SETBP1: variants seen among roughly 807,000 people sequenced by gnomAD.
SETBP1 encodes SET-binding protein.
In SETBP1, 9 loss-of-function variants were observed where a neutral mutation model predicts 101.0. The observed-to-expected ratio is 0.09, with a 90% CI of 0.05 to 0.16. The LOEUF (loss-of-function observed/expected upper bound fraction) is 0.16. SETBP1 is among the 10% of genes least tolerant of loss of function. The pLI is 1.00. For synonymous variants in SETBP1, 818 were observed against 788.5 expected (o/e 1.04, Z -0.63); for missense variants, 1,858 against 2,033.8 (o/e 0.91, Z 1.66).
At chr18:44,868,499 A>T (rs907612283) in intron 2 of SETBP1, among the ~76,000 whole-genome samples, 1 of 152,112 alleles carries the variant, frequency 6.6e-6, no homozygotes, top group Non-Finnish European at 1.5e-5. Flanking sequence ...GTTCGAGACC[A>T]GTCTGACCAA....
At chr18:44,841,779 T>C (rs914571089) in intron 2 of SETBP1, among the ~76,000 whole-genome samples, 6 of 152,214 alleles carry the variant, frequency 3.9e-5, no homozygotes, top group Admixed American at 3.3e-4. Flanking sequence ...CTTTTGTGAT[T>C]CTCTCTGACT....
At chr18:44,814,523 T>C (rs1025275674) in intron 2 of SETBP1, among the ~76,000 whole-genome samples, 1 of 152,176 alleles carries the variant, frequency 6.6e-6, no homozygotes, top group East Asian at 1.9e-4. Context: ...TGACGGCAAA[T>C]TTTAGGTGGC....
chr18:44,943,557 C>T (rs868558737), intron 3 of SETBP1, among the ~76,000 whole-genome samples: 10 of 152,356 alleles, frequency 6.6e-5, no homozygotes, highest in Non-Finnish European at 1.3e-4. Flanking sequence ...TCAGGTTCCA[C>T]GTCCAGAATG....
At chr18:44,896,871 C>G (rs900709546) in intron 3 of SETBP1, among the ~76,000 whole-genome samples, 1 of 152,142 alleles carries the variant, frequency 6.6e-6, no homozygotes, top group Non-Finnish European at 1.5e-5. Context: ...TCCAGTTTGT[C>G]AATGTCCTTC....
intron 3 of SETBP1, among the ~76,000 whole-genome samples, chr18:44,880,845 G>A (rs1472587861): frequency 6.6e-6 from 1 of 152,084 alleles, no homozygotes; most frequent in Non-Finnish European, 1.5e-5. Flanking sequence ...CTCCCACAAG[G>A]CTCCACCTCC....
intron 2 of SETBP1, among the ~76,000 whole-genome samples, chr18:44,774,165 T>G (rs1347402325): frequency 2.0e-5 from 3 of 152,172 alleles, no homozygotes; most frequent in Non-Finnish European, 2.9e-5. Flanking sequence ...CTTTGAAGAT[T>G]TTAATCTTAA....
intron 1 of SETBP1, among the ~76,000 whole-genome samples, chr18:44,696,601 C>T (rs1025872167): frequency 6.6e-6 from 1 of 152,204 alleles, no homozygotes; most frequent in Non-Finnish European, 1.5e-5. Context: ...AAGCAGGATT[C>T]CCCTGGCCAT....
intron 3 of SETBP1, 65 bp from the exon 4 acceptor site, chr18:44,949,816 T>TA (rs2071292141): frequency 7.7e-7 from 1 of 1,300,936 alleles, no homozygotes; most frequent in South Asian, 1.2e-5. Flanking sequence ...ATTAAGTAGC[T>TA]TCAACATGCT....
At chr18:44,815,606 G>A (rs2071958112) in intron 2 of SETBP1, among the ~76,000 whole-genome samples, 1 of 152,160 alleles carries the variant, frequency 6.6e-6, no homozygotes, top group Admixed American at 6.5e-5. Context: ...TGCATATAGT[G>A]TTTTCCAGTT....
At chr18:44,909,116 T>G (rs1456618959) in intron 3 of SETBP1, among the ~76,000 whole-genome samples, 1 of 152,096 alleles carries the variant, frequency 6.6e-6, no homozygotes, top group African/African-American at 2.4e-5. Flanking sequence ...CTCACCTACC[T>G]TAAGGTGGGA....
In SETBP1 at chr18:44,952,653, G is replaced by A. The variant is rs545808906; in HGVS notation, c.3313G>A (p.Gly1105Ser). 88 of 1,614,004 alleles carry A rather than the reference G, an allele frequency of 5.5e-5. No homozygotes were observed. The South Asian group carries it at 6.1e-4, about 11-fold the overall frequency. ...FHTNSHVKMSGAAKHKAKHGV... is the reference protein window; with the variant it reads ...FHTNSHVKMSSAAKHKAKHGV... ...CACAAACTCCCACGTAAAGATGTCC[G>A]GTGCAGCTAAGCATAAAGCCAAGCA... Residue 1105 changes from glycine to serine, a missense_variant, in exon 4 of 6, where the codon GGT (glycine) becomes AGT (serine). Physicochemically the swap from Gly to Ser is moderately conservative, Grantham distance 56 (BLOSUM62 0). Transcript: ENST00000649279.
At chr18:44,949,809 A>T in intron 3 of SETBP1, 72 bp from the exon 4 acceptor site, 1 of 1,195,404 alleles carries the variant, frequency 8.4e-7, no homozygotes, top group South Asian at 1.3e-5. Context: ...GTCAAATATT[A>T]AGTAGCTTCA....
rs1322137483 is a variant in SETBP1, at chr18:44,952,676, G to A, written c.3336G>A (p.Lys1112=). 2.5e-6 allele frequency: 4 copies of A among 1,614,128 alleles called. No homozygotes were observed. Among genetic ancestry groups the A allele is most frequent in the Non-Finnish European group, 1.7e-6 (2 of 1,180,026 alleles). The part of the protein sequence containing the change: ...KMSGAAKHKA[K]HGVHLQGPVS... Reference sequence around the variant, plus strand: ...CCGGTGCAGCTAAGCATAAAGCCAAGCATGGAGTACACCTGCAGGGACCTG... The same window carrying A: ...CCGGTGCAGCTAAGCATAAAGCCAAACATGGAGTACACCTGCAGGGACCTG... Residue 1112 remains lysine, a synonymous_variant, in exon 4 of 6, where the codon AAG becomes AAA. Coordinates refer to ENST00000649279, the MANE Select transcript of SETBP1 (RefSeq NM_015559.3).
At chr18:44,687,652 A>G (rs2068860282) in intron 1 of SETBP1, among the ~76,000 whole-genome samples, 1 of 152,194 alleles carries the variant, frequency 6.6e-6, no homozygotes, top group Non-Finnish European at 1.5e-5. Flanking sequence ...GACTTGAATC[A>G]AGGGAGATGG....
chr18:44,949,815 C>T, intron 3 of SETBP1, 66 bp from the exon 4 acceptor site: 1 of 1,275,132 alleles, frequency 7.8e-7, no homozygotes. Context: ...TATTAAGTAG[C>T]TTCAACATGC....
Position 44,951,914 on chromosome 18 carries a change from G to T in SETBP1, c.2574G>T (p.Glu858Asp). Residue 858 changes from glutamate (E) to aspartate (D), a missense_variant, in exon 4 of 6, where the codon GAG becomes GAT. Transcript: ENST00000649279. The surrounding 1 kb of genome is among the most constrained non-coding windows in gnomAD (Gnocchi z 7.8). ...LKEITLSPVS[E>D]SHSEETIPSD... is the part of the protein sequence containing the mutation. ...AAATCACGCTGTCCCCTGTGAGCGA[G>T]TCCCACAGTGAGGAGACGATCCCCA... The T allele has an allele frequency of 6.2e-7, 1 of 1,613,960 alleles. No homozygotes were observed. The highest frequency in any genetic ancestry group is 8.5e-7 in the Non-Finnish European group (1 of 1,179,992).
intron 2 of SETBP1, among the ~76,000 whole-genome samples, chr18:44,865,465 T>G (rs2069108812): frequency 6.6e-6 from 1 of 152,174 alleles, no homozygotes; most frequent in African/African-American, 2.4e-5. Flanking sequence ...ACTGCCTCCC[T>G]CAGGCCCTGA....
chr18:44,921,726 C>T (rs2070584593), intron 3 of SETBP1, among the ~76,000 whole-genome samples: 2 of 152,060 alleles, frequency 1.3e-5, no homozygotes, highest in African/African-American at 2.4e-5. Context: ...GTACTGTAAG[C>T]CTGACTGTGC....
chr18:45,008,368 A>G (rs1283423553), intron 4 of SETBP1, among the ~76,000 whole-genome samples: 1 of 152,182 alleles, frequency 6.6e-6, no homozygotes, highest in Non-Finnish European at 1.5e-5. Context: ...CATGAATCTG[A>G]CAGAAATTTT....
Sources: allele counts gnomAD v4.1 joint callset (sites outside exome capture counted in the v4.1 genomes callset), GRCh38; gene constraint gnomAD v4.1.1; non-coding constraint Gnocchi (gnomAD v3.1); transcripts MANE v1.5; gene names NCBI Gene and HGNC (gene_info 2026-07-23, HGNC 2026-07-21).